Variants in CNTN5 observed in about 807,000 individuals in gnomAD.
The protein encoded by CNTN5 is contactin 5.
CNTN5 carries 77 observed loss-of-function variants against 129.1 expected under a neutral mutation model. The observed-to-expected ratio is 0.60, with a 90% CI of 0.50 to 0.72. CNTN5 has a LOEUF of 0.72. Ranked by LOEUF, CNTN5 falls within the 30% of genes least tolerant of loss-of-function variation. The pLI, the probability that CNTN5 is intolerant of heterozygous loss-of-function variation, is 0.00. For synonymous variants in CNTN5, 509 were observed against 465.6 expected, an observed-to-expected ratio of 1.09 and a Z score of -1.20; for missense variants, 1,478 against 1,328.8, an observed-to-expected ratio of 1.11 and a Z score of -1.75.
chr11:99,120,637 C>T (rs1227953956), intron 1 of CNTN5: 1 of 152,118 alleles, frequency 6.6e-6, no homozygotes, highest in Non-Finnish European at 1.5e-5. Flanking sequence ...CATTGAATAT[C>T]TATGTCCCGT....
chr11:99,661,614 A>G (rs1952595156), intron 3 of CNTN5, among the ~76,000 whole-genome samples: 1 of 152,088 alleles, frequency 6.6e-6, no homozygotes, highest in South Asian at 2.1e-4. Flanking sequence ...CTGTGTCCCC[A>G]CTATGCCGGG....
chr11:99,728,188 G>C (rs763648572), intron 3 of CNTN5, among the ~76,000 whole-genome samples: 89 of 151,234 alleles, frequency 5.9e-4, no homozygotes, highest in Admixed American at 2.6e-3. Flanking sequence ...AAATATAGAG[G>C]AGTCTGATCA....
At chr11:99,324,435 A>T (rs974224960) in intron 1 of CNTN5, among the ~76,000 whole-genome samples, 5 of 152,244 alleles carry the variant, frequency 3.3e-5, no homozygotes, top group African/African-American at 1.2e-4. Flanking sequence ...CTAAATTTTT[A>T]GTTTGATATG....
At chr11:99,684,386 C>T (rs1017751729) in intron 3 of CNTN5, among the ~76,000 whole-genome samples, 4 of 151,780 alleles carry the variant, frequency 2.6e-5, no homozygotes, top group Non-Finnish European at 5.9e-5. Flanking sequence ...TATGATAATA[C>T]TAAGTCCACT....
At chr11:99,895,616 C>T (rs1458104666) in intron 6 of CNTN5, among the ~76,000 whole-genome samples, 4 of 152,104 alleles carry the variant, frequency 2.6e-5, no homozygotes, top group Admixed American at 6.5e-5. Context: ...GGTATGGAGC[C>T]GAGGAAAGCT....
intron 13 of CNTN5, among the ~76,000 whole-genome samples, chr11:100,171,198 G>A (rs775053693): frequency 9.1e-4 from 139 of 152,070 alleles, no homozygotes; most frequent in Middle Eastern, 3.4e-3. Context: ...CTTAGCCACG[G>A]TCAAGCTTTC....
At chr11:99,841,781 T>TTTTA (rs1490407023) in intron 4 of CNTN5, among the ~76,000 whole-genome samples, 56 of 96,958 alleles carry the variant, frequency 5.8e-4, no homozygotes, top group Non-Finnish European at 8.0e-4. Context: ...GGTTTGACAT[T>TTTTA]TATATATATA....
chr11:99,250,412 T>C (rs778482010), intron 1 of CNTN5, among the ~76,000 whole-genome samples: 2 of 151,990 alleles, frequency 1.3e-5, no homozygotes, highest in African/African-American at 2.4e-5. Context: ...ATCTTAAAAA[T>C]GCTTTGGTGT....
intron 3 of CNTN5, among the ~76,000 whole-genome samples, chr11:99,784,148 T>C (rs1945422768): frequency 6.6e-6 from 1 of 152,068 alleles, no homozygotes; most frequent in African/African-American, 2.4e-5. Flanking sequence ...CAGAACTTTT[T>C]ACTATTATTA....
At chr11:99,075,633 A>G (rs577389412) in intron 1 of CNTN5, among the ~76,000 whole-genome samples, 11 of 152,268 alleles carry the variant, frequency 7.2e-5, no homozygotes, top group African/African-American at 2.4e-4. Flanking sequence ...TCCTATAAAT[A>G]TTATTTATTT....
At chr11:99,656,785 G>A (rs1952383674) in intron 3 of CNTN5, among the ~76,000 whole-genome samples, 1 of 152,082 alleles carries the variant, frequency 6.6e-6, no homozygotes. Context: ...GGACTGGATA[G>A]CAAAGGCCCT....
intron 3 of CNTN5, among the ~76,000 whole-genome samples, chr11:99,767,946 T>A (rs918575179): frequency 6.6e-6 from 1 of 152,076 alleles, no homozygotes; most frequent in African/African-American, 2.4e-5. Context: ...AGCTCAGGGA[T>A]CTTCAAACTA....
At chr11:100,109,036 T>C (rs571409546) in intron 13 of CNTN5, among the ~76,000 whole-genome samples, 174 of 152,292 alleles carry the variant, frequency 1.1e-3, no homozygotes, top group African/African-American at 4.1e-3. Context: ...CTCCTTCATC[T>C]GAACTCTGTC....
At chr11:100,022,028 C>T (rs934178832) in intron 9 of CNTN5, among the ~76,000 whole-genome samples, 2 of 152,098 alleles carry the variant, frequency 1.3e-5, no homozygotes, top group Admixed American at 1.3e-4. Flanking sequence ...GGATGGTGCC[C>T]ACCACATTGT....
At chr11:99,899,038 C>T (rs762725425) in intron 6 of CNTN5, among the ~76,000 whole-genome samples, 1 of 151,842 alleles carries the variant, frequency 6.6e-6, no homozygotes, top group African/African-American at 2.4e-5. Flanking sequence ...ACATTATTAG[C>T]GTATGGAAGT....
At chr11:100,149,489 TTAAAG>T (rs1946974557) in intron 13 of CNTN5, among the ~76,000 whole-genome samples, 1 of 152,188 alleles carries the variant, frequency 6.6e-6, no homozygotes, top group South Asian at 2.1e-4. Context: ...TGTAAAAAAA[TTAAAG>T]GAAAAGTGTT....
intron 13 of CNTN5, among the ~76,000 whole-genome samples, chr11:100,166,336 C>T (rs568381495): frequency 3.3e-5 from 5 of 151,700 alleles, no homozygotes; most frequent in South Asian, 4.2e-4. Flanking sequence ...TTACTGCCCC[C>T]GGCATATGAA....
chr11:100,240,186 C>A (rs1165087986), intron 16 of CNTN5, among the ~76,000 whole-genome samples: 1 of 152,110 alleles, frequency 6.6e-6, no homozygotes, highest in East Asian at 1.9e-4. Context: ...GTAATCCATC[C>A]ATTATATGGA....
chr11:100,060,084 C>T (rs529274333), intron 9 of CNTN5, among the ~76,000 whole-genome samples: 1 of 152,084 alleles, frequency 6.6e-6, no homozygotes, highest in South Asian at 2.1e-4. Flanking sequence ...TGGCAGCACA[C>T]CTGTAATCCC....
Sources: gnomAD v4.1 joint callset for allele counts (sites outside exome capture counted in the v4.1 genomes callset) on GRCh38, gnomAD v4.1.1 for gene constraint, MANE v1.5 for transcripts, NCBI Gene and HGNC (gene_info 2026-07-23, HGNC 2026-07-21) for gene names.